Variants in DLG2 observed in about 807,000 individuals in gnomAD.
DLG2 encodes discs large MAGUK scaffold protein 2.
A neutral mutation model predicts 132.5 loss-of-function variants in DLG2; 45 were observed. That is an observed-to-expected ratio of 0.34 (90% CI 0.27 to 0.44). The LOEUF (loss-of-function observed/expected upper bound fraction) is 0.44, where lower values mean the gene tolerates loss of function less well. Among genes scored for constraint, DLG2 ranks in the 20% least tolerant of loss-of-function variants. The pLI, the probability that DLG2 is intolerant of heterozygous loss-of-function variation, is 1.00. For missense variants in DLG2, 1,045 were observed against 1,196.9 expected, an observed-to-expected ratio of 0.87 and a Z score of 1.87; for synonymous variants, 424 against 419.6, an observed-to-expected ratio of 1.01 and a Z score of -0.13.
At chr11:85,125,021 G>A (rs557627419) in intron 5 of DLG2, among the ~76,000 whole-genome samples, 7 of 152,130 alleles carry the variant, frequency 4.6e-5, no homozygotes, top group African/African-American at 1.2e-4. Context: ...TAGTAGATAC[G>A]GGGTTTCACC....
chr11:85,008,211 G>A (rs1197592306), intron 6 of DLG2, among the ~76,000 whole-genome samples: 6 of 152,080 alleles, frequency 3.9e-5, no homozygotes, highest in African/African-American at 1.4e-4. Context: ...TAGGGTTAAA[G>A]ATAAGCATTT....
chr11:84,281,091 T>C (rs1376677530), intron 7 of DLG2, among the ~76,000 whole-genome samples: 6 of 152,142 alleles, frequency 3.9e-5, no homozygotes, highest in African/African-American at 7.2e-5. Flanking sequence ...CAATAAATGA[T>C]GCAGGGACAA....
At chr11:85,352,289 T>G (rs976672255) in intron 3 of DLG2, among the ~76,000 whole-genome samples, 2 of 152,202 alleles carry the variant, frequency 1.3e-5, no homozygotes, top group Non-Finnish European at 2.9e-5. Flanking sequence ...GTCTATTTGA[T>G]TCTTCTCTCT....
At chr11:84,376,012 T>C (rs961872158) in intron 7 of DLG2, among the ~76,000 whole-genome samples, 4 of 152,006 alleles carry the variant, frequency 2.6e-5, no homozygotes, top group Non-Finnish European at 5.9e-5. Flanking sequence ...TGTTGATGTC[T>C]TCATTTTTTT....
At chr11:84,632,760 C>T (rs912347517) in intron 6 of DLG2, among the ~76,000 whole-genome samples, 1 of 152,130 alleles carries the variant, frequency 6.6e-6, no homozygotes, top group Non-Finnish European at 1.5e-5. Context: ...GGGCTTTGCC[C>T]TTAGACTTTT....
chr11:84,727,054 C>T (rs1385614946), intron 6 of DLG2, among the ~76,000 whole-genome samples: 1 of 152,174 alleles, frequency 6.6e-6, no homozygotes, highest in African/African-American at 2.4e-5. Flanking sequence ...GTTGCCTGTT[C>T]ACTCTGATGA....
chr11:84,714,482 A>G (rs2060800332), intron 6 of DLG2, among the ~76,000 whole-genome samples: 1 of 151,950 alleles, frequency 6.6e-6, no homozygotes, highest in Admixed American at 6.6e-5. Context: ...ATATTGGGTG[A>G]GTGTTAGAGC....
chr11:84,981,487 G>A (rs1031187544), intron 6 of DLG2, among the ~76,000 whole-genome samples: 18 of 152,140 alleles, frequency 1.2e-4, no homozygotes, highest in Non-Finnish European at 2.1e-4. Context: ...CAGCTCAGAA[G>A]AGCCCATTCT....
chr11:83,939,740 C>G (rs1181566232), intron 14 of DLG2, among the ~76,000 whole-genome samples: 4 of 152,068 alleles, frequency 2.6e-5, no homozygotes, highest in Non-Finnish European at 5.9e-5. Flanking sequence ...TTAGCAAAAT[C>G]ACATTTTCTA....
chr11:85,363,244 A>G (rs776182617), intron 3 of DLG2, among the ~76,000 whole-genome samples: 6 of 152,342 alleles, frequency 3.9e-5, no homozygotes, highest in Non-Finnish European at 7.4e-5. Flanking sequence ...AAGAAGAAAT[A>G]CAGGAAATGC....
intron 6 of DLG2, among the ~76,000 whole-genome samples, chr11:84,837,580 G>T (rs2079990750): frequency 6.6e-6 from 1 of 151,692 alleles, no homozygotes; most frequent in Non-Finnish European, 1.5e-5. Context: ...CACAAAAAGA[G>T]GCAATGAAAT....
chr11:84,715,562 C>T (rs945451637), intron 6 of DLG2, among the ~76,000 whole-genome samples: 2 of 152,110 alleles, frequency 1.3e-5, no homozygotes, highest in African/African-American at 4.8e-5. Context: ...AACCACCATT[C>T]TACTGAGTTT....
At chr11:83,605,396 C>T (rs746697228) in intron 19 of DLG2, among the ~76,000 whole-genome samples, 22 of 152,130 alleles carry the variant, frequency 1.4e-4, no homozygotes, top group Non-Finnish European at 3.1e-4. Context: ...AAACAAAACA[C>T]GTAAGCAAGC....
At chr11:85,596,762 T>G (rs1178901545) in intron 3 of DLG2, among the ~76,000 whole-genome samples, 11 of 152,206 alleles carry the variant, frequency 7.2e-5, no homozygotes, top group Non-Finnish European at 1.3e-4. Flanking sequence ...ATAAATCTTC[T>G]CTAGGATGCA....
intron 6 of DLG2, among the ~76,000 whole-genome samples, chr11:84,868,660 C>T (rs537266836): frequency 6.6e-6 from 1 of 152,174 alleles, no homozygotes; most frequent in East Asian, 1.9e-4. Flanking sequence ...TTCTCAGTCT[C>T]AGCACAATGA....
chr11:85,037,024 T>C lies in DLG2; in HGVS notation c.357+74637A>G, dbSNP rs374333256. On this transcript the variant is annotated intron_variant, in intron 6 of 27. Coordinates refer to ENST00000376104, the MANE Select transcript of DLG2 (RefSeq NM_001142699.3). Reference sequence around the variant, plus strand: ...TGATAAACACTCAATAATTTCTTAATATATTAATGGCTGAAGGCACGTGGT... The same window carrying C: ...TGATAAACACTCAATAATTTCTTAACATATTAATGGCTGAAGGCACGTGGT... 3.3e-4 allele frequency among the ~76,000 whole-genome samples: 51 copies of C among 152,314 alleles called. No individual in the cohort carries two copies. In the East Asian group the frequency reaches 5.0e-3, roughly 15 times the overall value.
At chr11:84,070,627 A>T (rs2096742227) in intron 10 of DLG2, among the ~76,000 whole-genome samples, 1 of 152,244 alleles carries the variant, frequency 6.6e-6, no homozygotes, top group Non-Finnish European at 1.5e-5. Context: ...GTCAAGTTCA[A>T]TTTGGCATTA....
At chr11:84,970,623 T>C (rs1367171231) in intron 6 of DLG2, among the ~76,000 whole-genome samples, 1 of 152,160 alleles carries the variant, frequency 6.6e-6, no homozygotes. Flanking sequence ...AAAGCCTCCA[T>C]TTCCTAATAG....
intron 16 of DLG2, among the ~76,000 whole-genome samples, chr11:83,844,547 C>CAAAAAAAAAAAA (rs59755957): frequency 2.8e-5 from 2 of 70,658 alleles, no homozygotes; most frequent in Non-Finnish European, 2.5e-5. Context: ...GAGTCTGTAT[C>CAAAAAAAAAAAA]AAAAAAAAAA....
Sources: gnomAD v4.1 joint callset for allele counts (sites outside exome capture counted in the v4.1 genomes callset) on GRCh38, gnomAD v4.1.1 for gene constraint, MANE v1.5 for transcripts, NCBI Gene and HGNC (gene_info 2026-07-23, HGNC 2026-07-21) for gene names.